Variants in CLCN6 observed in about 807,000 individuals in gnomAD.
CLCN6 encodes H(+)/Cl(-) exchange transporter 6.
CLCN6 carries 70 observed loss-of-function variants against 109.8 expected under a neutral mutation model. That is an observed-to-expected ratio of 0.64 (90% CI 0.53 to 0.78). The LOEUF (loss-of-function observed/expected upper bound fraction) is 0.78. Among genes scored for constraint, CLCN6 ranks in the 30% least tolerant of loss-of-function variants. The pLI is 0.00. For synonymous variants in CLCN6, 444 were observed against 447.8 expected (o/e 0.99, Z 0.11); for missense variants, 984 against 1,142.3 (o/e 0.86, Z 2.00).
chr1:11,824,996 G>A (rs987319625), intron 8 of CLCN6, among the ~76,000 whole-genome samples: 2 of 152,160 alleles, frequency 1.3e-5, no homozygotes, highest in Non-Finnish European at 2.9e-5. Context: ...CAGACGCCAT[G>A]TATACTAACT....
intron 4 of CLCN6, among the ~76,000 whole-genome samples, chr1:11,818,009 C>G (rs536562047): frequency 3.3e-5 from 5 of 151,956 alleles, no homozygotes; most frequent in Non-Finnish European, 7.4e-5. Context: ...CACCTGTAAT[C>G]CCAGCATTTT....
At chr1:11,838,788 T>A in intron 22 of CLCN6, 128 bp downstream of exon 22, 2 of 1,382,106 alleles carry the variant, frequency 1.4e-6, no homozygotes, top group Non-Finnish European at 1.0e-6. Flanking sequence ...GGCCCAACAC[T>A]AGCTTTGAAC....
At chr1:11,821,073 T>TAAAAAAA (rs1216520509) in intron 5 of CLCN6, among the ~76,000 whole-genome samples, 7 of 123,122 alleles carry the variant, frequency 5.7e-5, no homozygotes, top group Admixed American at 3.2e-4. Context: ...CAAAACTGTC[T>TAAAAAAA]CAAAAAACAA....
intron 12 of CLCN6, 113 bp downstream of exon 12, chr1:11,828,737 C>A: frequency 8.7e-7 from 1 of 1,148,782 alleles, no homozygotes; most frequent in Non-Finnish European, 1.2e-6. Flanking sequence ...GATTTCTCAT[C>A]TAAGACTGAG....
intron 13 of CLCN6, among the ~76,000 whole-genome samples, chr1:11,832,062 GTACTT>G (rs1384603808): frequency 1.3e-5 from 2 of 152,156 alleles, no homozygotes; most frequent in Non-Finnish European, 2.9e-5. Flanking sequence ...ATTCCACTGA[GTACTT>G]TATATGATTT....
chr1:11,823,750 T>C lies in CLCN6; in HGVS notation c.497T>C (p.Leu166Pro). 6.2e-7 allele frequency: 1 copy of C among 1,614,280 alleles called. No individual in the cohort carries two copies. The highest frequency in any genetic ancestry group is 8.5e-7 in the Non-Finnish European group (1 of 1,180,054). ...GGGATACCCGAGGTCAAATGCTATC[T>C]GAATGGCGTAAAGGTGCCAGGAATC... The part of the protein sequence containing the change: ...GSGIPEVKCY[L>P]NGVKVPGIVR... The change falls in exon 7 of 23, where the codon CTG becomes CCG. Residue 166 changes from leucine (L) to proline (P), a missense_variant. Transcript: ENST00000346436.
chr1:11,820,448 T>G (rs1040578842), intron 5 of CLCN6: 1 of 709,858 alleles, frequency 1.4e-6, no homozygotes, highest in Non-Finnish European at 2.6e-6. Context: ...TTCTTAAAAC[T>G]CCAGAAGGCA....
At chr1:11,812,912 T>C (rs1644620582) in intron 2 of CLCN6, among the ~76,000 whole-genome samples, 1 of 151,990 alleles carries the variant, frequency 6.6e-6, no homozygotes, top group South Asian at 2.1e-4. Flanking sequence ...CAGGGAACAT[T>C]AAAACTCATC....
Position 11,827,092 on chromosome 1 carries a change from C to T in CLCN6, c.711C>T (p.Asp237=). 1 of 1,613,758 alleles carries T rather than the reference C, an allele frequency of 6.2e-7. No individual in the cohort carries two copies. The highest frequency in any genetic ancestry group is 8.5e-7 in the Non-Finnish European group (1 of 1,179,838). The change falls in exon 10 of 23, where the codon GAC becomes GAT. Residue 237 remains aspartate (D), a synonymous_variant. Transcript: ENST00000346436. The part of the protein sequence containing the change: ...FNFPYFRSDR[D]KRDFVSAGAA... Reference sequence around the variant, plus strand: ...CCCGTCTCTCTCCTCTCCTCAGAGACAAGAGAGACTTTGTATCAGCAGGAG... The same window carrying T: ...CCCGTCTCTCTCCTCTCCTCAGAGATAAGAGAGACTTTGTATCAGCAGGAG...
chr1:11,839,044 G>A (rs539109613), intron 22 of CLCN6: 71 of 611,456 alleles, frequency 1.2e-4, no homozygotes, highest in African/African-American at 1.1e-3. Flanking sequence ...AAAACACCTA[G>A]TAATTATTGC....
Position 11,828,356 on chromosome 1 carries a change from C to T in CLCN6, c.955-102C>T, listed in dbSNP as rs111743209. ...ATCTCACCCATTAGCCTCTGCCGTG[C>T]GGGAAAGCAGCCCCACTCTTGCTTC... is the stretch of plus-strand genomic sequence containing the variant. On this transcript the variant is annotated intron_variant, in intron 11 of 22. Coordinates refer to ENST00000346436, the MANE Select transcript of CLCN6 (RefSeq NM_001286.5). The T allele has an allele frequency of 4.7e-4, 707 of 1,502,720 alleles. 3 individuals carry two copies. The African/African-American group carries it at 8.5e-3, about 18-fold the overall frequency. The allele number at this position is 1,502,720 out of a possible 1,614,324, so 93.1% of individuals were successfully genotyped here. A position where few individuals can be genotyped will look rare whatever the true frequency, so the allele number is the denominator to read the frequency against.
intron 13 of CLCN6, among the ~76,000 whole-genome samples, chr1:11,830,756 T>TA (rs891301566): frequency 5.9e-5 from 8 of 136,672 alleles, no homozygotes; most frequent in Admixed American, 5.7e-4. Context: ...TATATATATA[T>TA]ATATATATAC....
chr1:11,815,799 T>C (rs1204955638), intron 2 of CLCN6, 47 bp from the exon 3 acceptor site: 1 of 1,473,966 alleles, frequency 6.8e-7, no homozygotes, highest in Non-Finnish European at 9.5e-7. Flanking sequence ...CCTTTGCAGG[T>C]CTTCTCACCT....
intron 13 of CLCN6, among the ~76,000 whole-genome samples, chr1:11,831,052 C>T (rs1420575807): frequency 1.3e-5 from 2 of 151,660 alleles, no homozygotes; most frequent in Admixed American, 6.6e-5. Flanking sequence ...AGGCTGGTCT[C>T]GAACTCCTGA....
intron 2 of CLCN6, among the ~76,000 whole-genome samples, chr1:11,810,475 G>T (rs947636033): frequency 6.6e-6 from 1 of 152,282 alleles, no homozygotes; most frequent in East Asian, 1.9e-4. Flanking sequence ...AGTTGAAGGT[G>T]GTTTTGGTGT....
chr1:11,820,352 T>G, intron 5 of CLCN6: 1 of 715,900 alleles, frequency 1.4e-6, no homozygotes, highest in South Asian at 1.5e-5. Context: ...TATTTCATAC[T>G]ATAAATAAGA....
chr1:11,815,554 C>G (rs915223469), intron 2 of CLCN6, among the ~76,000 whole-genome samples: 2 of 152,146 alleles, frequency 1.3e-5, no homozygotes, highest in African/African-American at 4.8e-5. Context: ...CGCCACCATG[C>G]CTGGCTAATT....
chr1:11,814,608 T>C (rs1644644460), intron 2 of CLCN6, among the ~76,000 whole-genome samples: 1 of 152,262 alleles, frequency 6.6e-6, no homozygotes, highest in South Asian at 2.1e-4. Flanking sequence ...TTTCTCTAAA[T>C]GTCTGTGGCA....
rs2100646206 is a variant in CLCN6, at chr1:11,830,439, T to C, written c.1248+1117T>C. Among the ~76,000 whole-genome samples, 4 of 152,246 alleles carry C rather than the reference T, an allele frequency of 2.6e-5. No homozygotes were observed. In the Middle Eastern group the frequency reaches 0.01, roughly 388 times the overall value. ...AATAAAAAACAGTACAGTGTAACAA[T>C]TATTTACATAGCATTTACATTGTAT... On this transcript the variant is annotated intron_variant, in intron 13 of 22. Transcript: ENST00000346436.
Sources: allele counts gnomAD v4.1 joint callset (sites outside exome capture counted in the v4.1 genomes callset), GRCh38; gene constraint gnomAD v4.1.1; transcripts MANE v1.5; gene names NCBI Gene and HGNC (gene_info 2026-07-23, HGNC 2026-07-21).